The following GPR89A variants were observed in gnomAD, a reference collection of about 807,000 sequenced individuals.
The protein encoded by GPR89A is golgi pH regulator A.
A neutral mutation model predicts 52.0 loss-of-function variants in GPR89A; 16 were observed. The ratio of observed to expected loss-of-function variants is 0.31; its 90% CI spans 0.21 to 0.47. GPR89A has a LOEUF of 0.47. GPR89A is among the 20% of genes least tolerant of loss of function. GPR89A has a pLI of 1.00. For missense variants in GPR89A, 135 were observed against 449.4 expected (o/e 0.30, Z 6.33); for synonymous variants, 55 against 150.9 (o/e 0.36, Z 4.66).
intron 3 of GPR89A, among the ~76,000 whole-genome samples, chr1:145,622,829 T>C (rs1240913255): frequency 6.6e-6 from 1 of 151,718 alleles, no homozygotes; most frequent in Non-Finnish European, 1.5e-5. Flanking sequence ...ATTCTTATTT[T>C]AATATATGAA....
chr1:145,624,356 CAATG>C (rs1181222260), intron 5 of GPR89A, among the ~76,000 whole-genome samples: 2 of 122,752 alleles, frequency 1.6e-5, no homozygotes, highest in Admixed American at 8.3e-5. Context: ...AAGCTAAAAA[CAATG>C]AACAAAAGTA....
intron 1 of GPR89A, among the ~76,000 whole-genome samples, chr1:145,612,810 T>C (rs1318895125): frequency 6.6e-6 from 1 of 152,118 alleles, no homozygotes; most frequent in Non-Finnish European, 1.5e-5. Context: ...TTATTCCACA[T>C]TCTTCTCTAG....
intron 5 of GPR89A, among the ~76,000 whole-genome samples, chr1:145,627,314 G>C (rs1204832511): frequency 1.3e-5 from 2 of 152,000 alleles, no homozygotes; most frequent in Non-Finnish European, 2.9e-5. Flanking sequence ...AAGGTAGAGG[G>C]GGAATTTTTT....
chr1:145,615,408 A>G (rs1479202768), intron 1 of GPR89A, among the ~76,000 whole-genome samples: 9 of 151,892 alleles, frequency 5.9e-5, no homozygotes, highest in African/African-American at 1.9e-4. Flanking sequence ...CAGTGGTGCA[A>G]TCATGGCTCA....
At chr1:145,615,047 G>A (rs1461207983) in intron 1 of GPR89A, among the ~76,000 whole-genome samples, 2 of 152,170 alleles carry the variant, frequency 1.3e-5, no homozygotes, top group Non-Finnish European at 2.9e-5. Context: ...AAGAAGAAAA[G>A]AGTAGTTGTG....
chr1:145,649,098 C>T (rs1417918940), intron 10 of GPR89A, among the ~76,000 whole-genome samples: 1 of 152,148 alleles, frequency 6.6e-6, no homozygotes, highest in African/African-American at 2.4e-5. Flanking sequence ...GCCACTGCAC[C>T]CAGCCAGCAT....
At chr1:145,614,601 T>G (rs1408477359) in intron 1 of GPR89A, among the ~76,000 whole-genome samples, 1 of 151,662 alleles carries the variant, frequency 6.6e-6, no homozygotes, top group African/African-American at 2.4e-5. Context: ...ATACAAAGAT[T>G]ACAAGACAAA....
intron 1 of GPR89A, among the ~76,000 whole-genome samples, chr1:145,609,200 G>T (rs1553685691): frequency 6.6e-6 from 1 of 152,184 alleles, no homozygotes; most frequent in African/African-American, 2.4e-5. Flanking sequence ...AACAGAAGCA[G>T]TTACCTTTGG....
In GPR89A at chr1:145,663,324, T is replaced by G; in HGVS notation, c.910-5T>G. 6.2e-7 allele frequency: 1 copy of G among 1,609,850 alleles called. No homozygotes were observed. Among genetic ancestry groups the G allele is most frequent in the African/African-American group, 1.3e-5 (1 of 74,732 alleles). Reference sequence around the variant, plus strand: ...GCTCCAAGGTAAAAATCTGCATCTTTGCAGGCTACCATCAATATTGTTTTT... The same window carrying G: ...GCTCCAAGGTAAAAATCTGCATCTTGGCAGGCTACCATCAATATTGTTTTT... On this transcript the variant is annotated splice_region_variant and splice_polypyrimidine_tract_variant and intron_variant, in intron 10 of 13. Coordinates refer to ENST00000313835, the MANE Select transcript of GPR89A (RefSeq NM_001097612.2).
chr1:145,627,462 G>T (rs1649588151), intron 5 of GPR89A, among the ~76,000 whole-genome samples: 1 of 151,516 alleles, frequency 6.6e-6, no homozygotes, highest in Non-Finnish European at 1.5e-5. Flanking sequence ...AAGAAATGAT[G>T]TCTTCTTGTA....
intron 2 of GPR89A, among the ~76,000 whole-genome samples, chr1:145,617,705 T>A (rs1449156423): frequency 6.6e-6 from 1 of 152,130 alleles, no homozygotes; most frequent in East Asian, 1.9e-4. Flanking sequence ...GGTCCCTGAC[T>A]TCCCGCAACA....
At chr1:145,638,893 C>T (rs1428195677) in intron 7 of GPR89A, among the ~76,000 whole-genome samples, 23 of 146,386 alleles carry the variant, frequency 1.6e-4, no homozygotes, top group Non-Finnish European at 3.1e-4. Context: ...GAGGCTAAAG[C>T]GAGAGGATTG....
intron 10 of GPR89A, among the ~76,000 whole-genome samples, chr1:145,651,079 C>T (rs1651419849): frequency 6.6e-6 from 1 of 152,104 alleles, no homozygotes; most frequent in South Asian, 2.1e-4. Flanking sequence ...GTACCATGTC[C>T]TGAATGGTAT....
At chr1:145,634,856 T>G (rs2101779907) in intron 7 of GPR89A, among the ~76,000 whole-genome samples, 1 of 152,206 alleles carries the variant, frequency 6.6e-6, no homozygotes, top group South Asian at 2.1e-4. Context: ...ATTCATTCAC[T>G]TAATAATTTT....
chr1:145,647,677 C>T (rs188497193), intron 10 of GPR89A, among the ~76,000 whole-genome samples: 10 of 150,340 alleles, frequency 6.7e-5, no homozygotes, highest in Non-Finnish European at 1.3e-4. Context: ...GGTGGTGGGC[C>T]GCCTGTAATC....
At chr1:145,609,572 A>G (rs1324041628) in intron 1 of GPR89A, among the ~76,000 whole-genome samples, 2 of 152,252 alleles carry the variant, frequency 1.3e-5, no homozygotes, top group Non-Finnish European at 2.9e-5. Context: ...CCTTAGTACC[A>G]ATTTAAGAAA....
At chr1:145,659,421 G>A (rs1368168136) in intron 10 of GPR89A, among the ~76,000 whole-genome samples, 47 of 151,958 alleles carry the variant, frequency 3.1e-4, no homozygotes, top group South Asian at 2.1e-4. Flanking sequence ...TCCTAACCTT[G>A]TGATCCACCC....
At chr1:145,669,764 T>C in intron 13 of GPR89A, 70 bp from the exon 14 acceptor site, 2 of 1,595,702 alleles carry the variant, frequency 1.3e-6, no homozygotes, top group East Asian at 2.2e-5. Flanking sequence ...TTAAGAATTT[T>C]AATAATTTCC....
rs1355225640 is a variant in GPR89A at position 145,617,042 on chromosome 1, C to T, written c.102+749C>T. ...GGAAATAGGGTTCAAGAGCAGACAA[C>T]CAGTCTGACTAGAATTTACCAGGCT... On this transcript the variant is annotated intron_variant, in intron 2 of 13. Transcript: ENST00000313835. 2.6e-5 allele frequency among the ~76,000 whole-genome samples: 4 copies of T among 152,224 alleles called. No homozygotes were observed. The Middle Eastern group carries it at 0.014, about 518-fold the overall frequency.
Sources: gnomAD v4.1 joint callset for allele counts (sites outside exome capture counted in the v4.1 genomes callset) on GRCh38, gnomAD v4.1.1 for gene constraint, MANE v1.5 for transcripts, NCBI Gene and HGNC (gene_info 2026-07-23, HGNC 2026-07-21) for gene names.